MYO1E: variants seen among roughly 807,000 people sequenced by gnomAD.
The protein encoded by MYO1E is unconventional myosin-Ie.
In MYO1E, 68 loss-of-function variants were observed where a neutral mutation model predicts 151.1. The observed-to-expected ratio is 0.45, with a 90% confidence interval of 0.37 to 0.55. The LOEUF (loss-of-function observed/expected upper bound fraction) is 0.55. Ranked by LOEUF, MYO1E falls within the 20% of genes least tolerant of loss-of-function variation. The probability of loss-of-function intolerance (pLI) is 0.00; values close to 1 mark genes in which losing one functional copy is unlikely to be tolerated. For missense variants in MYO1E, 1,363 were observed against 1,389.3 expected, an observed-to-expected ratio of 0.98 and a Z score of 0.30; for synonymous variants, 601 against 501.7, an observed-to-expected ratio of 1.20 and a Z score of -2.64.
Position 59,159,276 on chromosome 15 carries a change from C to G in MYO1E, c.2786-897G>C, listed in dbSNP as rs1262726290. On this transcript the variant is annotated intron_variant, in intron 24 of 27. Coordinates refer to ENST00000288235, the MANE Select transcript of MYO1E (RefSeq NM_004998.4). This position sits in a 1 kb window ranked among gnomAD's most constrained non-coding sequence, Gnocchi z 4.4. ...CCAGTACCTAGGCCACTCTCGCCAC[C>G]CCAAATAAGATAGAATCCAACACCT... Among the ~76,000 whole-genome samples, 1 of 152,216 alleles carries G rather than the reference C, an allele frequency of 6.6e-6. No individual in the cohort carries two copies. The highest frequency in any genetic ancestry group is 1.5e-5 in the Non-Finnish European group (1 of 68,032).
At chr15:59,228,899 C>T (rs1268216289) in intron 6 of MYO1E, among the ~76,000 whole-genome samples, 3 of 152,200 alleles carry the variant, frequency 2.0e-5, no homozygotes, top group African/African-American at 4.8e-5. Flanking sequence ...CCACCGAAGG[C>T]GGCCAGCCTC....
intron 1 of MYO1E, among the ~76,000 whole-genome samples, chr15:59,371,381 A>G (rs1195988745): frequency 6.6e-6 from 1 of 152,070 alleles, no homozygotes; most frequent in Admixed American, 6.5e-5. Context: ...TAATCCACCT[A>G]AGCAGGACTA....
At chr15:59,208,426 T>G in intron 14 of MYO1E, 1 of 585,672 alleles carries the variant, frequency 1.7e-6, no homozygotes, top group South Asian at 2.1e-5. Context: ...TTTCTTTCAT[T>G]CTTGCTGGTT....
intron 2 of MYO1E, among the ~76,000 whole-genome samples, chr15:59,271,679 A>G (rs1433446476): frequency 2.0e-5 from 3 of 152,254 alleles, no homozygotes; most frequent in Non-Finnish European, 4.4e-5. Context: ...AACGTCAAGC[A>G]TTTTCAATAG....
chr15:59,280,622 C>CAA (rs35913240), intron 1 of MYO1E, among the ~76,000 whole-genome samples: 1,755 of 77,096 alleles, frequency 0.023, 41 homozygotes, highest in African/African-American at 0.062. Flanking sequence ...AAGTCCATCT[C>CAA]AAAAAAAAAA....
chr15:59,261,978 G>C (rs1413275031), intron 2 of MYO1E, among the ~76,000 whole-genome samples: 1 of 152,146 alleles, frequency 6.6e-6, no homozygotes, highest in African/African-American at 2.4e-5. Context: ...GAGGTGGGGA[G>C]ATCATTTGAG....
intron 6 of MYO1E, among the ~76,000 whole-genome samples, chr15:59,230,503 C>A (rs1349080342): frequency 6.6e-6 from 1 of 151,632 alleles, no homozygotes; most frequent in Non-Finnish European, 1.5e-5. Context: ...TTGGTCAAGT[C>A]CATTTTTATA....
At chr15:59,325,898 T>TCTAA (rs1308519217) in intron 1 of MYO1E, among the ~76,000 whole-genome samples, 1 of 152,102 alleles carries the variant, frequency 6.6e-6, no homozygotes, top group East Asian at 1.9e-4. Context: ...CCCTTCCAGC[T>TCTAA]CTAACCCCCA....
At chr15:59,371,907 C>A (rs1456619391) in intron 1 of MYO1E, among the ~76,000 whole-genome samples, 1 of 151,026 alleles carries the variant, frequency 6.6e-6, no homozygotes, top group African/African-American at 2.4e-5. Flanking sequence ...TACCTGGCGC[C>A]CCCGCCTGCC....
chr15:59,143,360 TGGA>T (rs1176704465), intron 26 of MYO1E, among the ~76,000 whole-genome samples: 1 of 151,870 alleles, frequency 6.6e-6, no homozygotes, highest in South Asian at 2.1e-4. Context: ...GGCAGGTGGG[TGGA>T]GGAGGGAGGA....
At chr15:59,186,936 G>A (rs1404985867) in intron 18 of MYO1E, among the ~76,000 whole-genome samples, 1 of 152,090 alleles carries the variant, frequency 6.6e-6, no homozygotes, top group African/African-American at 2.4e-5. Flanking sequence ...AACAATTTAA[G>A]TATAGGTCCT....
intron 1 of MYO1E, among the ~76,000 whole-genome samples, chr15:59,277,500 G>C (rs571108439): frequency 3.4e-5 from 5 of 147,862 alleles, no homozygotes; most frequent in East Asian, 2.0e-4. Context: ...AGCTGAGATC[G>C]GGCCACTGCA....
At chr15:59,366,065 G>C (rs1003083537) in intron 1 of MYO1E, among the ~76,000 whole-genome samples, 1 of 151,948 alleles carries the variant, frequency 6.6e-6, no homozygotes, top group Admixed American at 6.6e-5. Flanking sequence ...TGCAACCTCC[G>C]CCTCCCAAGT....
At chr15:59,170,299 T>C (rs2079584826) in intron 22 of MYO1E, among the ~76,000 whole-genome samples, 1 of 152,106 alleles carries the variant, frequency 6.6e-6, no homozygotes, top group South Asian at 2.1e-4. Context: ...AAAGAACAAG[T>C]CACTCTCGGC....
At chr15:59,280,397 G>A (rs2080346145) in intron 1 of MYO1E, among the ~76,000 whole-genome samples, 1 of 152,018 alleles carries the variant, frequency 6.6e-6, no homozygotes, top group Non-Finnish European at 1.5e-5. Flanking sequence ...AGCCAAGGTG[G>A]GCAGATCACT....
chr15:59,346,477 G>C (rs1424826195), intron 1 of MYO1E, among the ~76,000 whole-genome samples: 2 of 152,132 alleles, frequency 1.3e-5, no homozygotes, highest in African/African-American at 4.8e-5. Context: ...ATTCAGGTGA[G>C]GGAGATTCTT....
intron 24 of MYO1E, among the ~76,000 whole-genome samples, chr15:59,158,706 A>C (rs2079521883): frequency 6.6e-6 from 1 of 152,226 alleles, no homozygotes; most frequent in Admixed American, 6.5e-5. Flanking sequence ...AAACATTTGC[A>C]TTCATGTTCT....
intron 26 of MYO1E, among the ~76,000 whole-genome samples, chr15:59,150,425 C>T (rs145627421): frequency 1.6e-3 from 248 of 152,346 alleles, no homozygotes; most frequent in African/African-American, 5.7e-3. Flanking sequence ...GACAGATGCT[C>T]CCAGCTGGCT....
Position 59,173,911 on chromosome 15 carries a change from T to C in MYO1E, c.2169A>G (p.Ser723=). ...TCTCCTTCTTGTTCAATAAGAGGTC[T>C]GAGGCTACAATTCCCAAGAGGGTCA... ...KKYVQMREEA[S]DLLLNKKERR... The change falls in exon 21 of 28, where the codon TCA becomes TCG. Residue 723 remains serine (S), a synonymous_variant. Transcript: ENST00000288235. 1 of 1,614,126 alleles carries C rather than the reference T, an allele frequency of 6.2e-7. No individual in the cohort carries two copies. Among genetic ancestry groups the C allele is most frequent in the South Asian group, 1.1e-5 (1 of 91,090 alleles).
Sources: gnomAD v4.1 joint callset for allele counts (sites outside exome capture counted in the v4.1 genomes callset) on GRCh38, gnomAD v4.1.1 for gene constraint, Gnocchi (gnomAD v3.1) non-coding constraint, MANE v1.5 for transcripts, NCBI Gene and HGNC (gene_info 2026-07-23, HGNC 2026-07-21) for gene names.